VPS13C: variants seen among roughly 807,000 people sequenced by gnomAD.
VPS13C encodes vacuolar protein sorting 13 homolog C.
A neutral mutation model predicts 456.8 loss-of-function variants in VPS13C; 358 were observed. That is an observed-to-expected ratio of 0.78 (90% CI 0.72 to 0.86). VPS13C has a LOEUF of 0.86. Ranked by LOEUF, VPS13C falls within the 40% of genes least tolerant of loss-of-function variation. The pLI is 0.00. For missense variants in VPS13C, 4,818 were observed against 4,385.4 expected (o/e 1.10, Z -2.79); for synonymous variants, 1,578 against 1,486.7 (o/e 1.06, Z -1.41).
Position 61,867,966 on chromosome 15 carries a change from AAAGAAAAT to A in VPS13C, c.10863+685_10863+692del. On this transcript the variant is annotated intron_variant, in intron 81 of 84. Transcript: ENST00000644861. The surrounding 1 kb of genome is among the most constrained non-coding windows in gnomAD (Gnocchi z 5.0). ...GTTCTTGCTGTGCAGGCAGAAAAAC[AAAGAAAAT>A]AAAGTTAGAAGCATGCAGAAAGATA... The A allele has an allele frequency of 6.7e-7, 1 of 1,501,004 alleles. No homozygotes were observed. Among genetic ancestry groups the A allele is most frequent in the East Asian group, 2.3e-5 (1 of 44,104 alleles). The allele number at this position is 1,501,004 out of a possible 1,614,324, so 93.0% of individuals were successfully genotyped here.
chr15:61,922,251 A>G, intron 54 of VPS13C, 146 bp downstream of exon 54: 1 of 1,163,574 alleles, frequency 8.6e-7, no homozygotes, highest in Non-Finnish European at 1.2e-6. Context: ...TCAAAAAACA[A>G]TACATCGACA....
chr15:61,882,896 A>T (rs182021588), intron 68 of VPS13C, among the ~76,000 whole-genome samples, 160 bp from the exon 69 acceptor site: 44 of 152,264 alleles, frequency 2.9e-4, no homozygotes, highest in Middle Eastern at 3.4e-3. Context: ...TCTGAAGCAA[A>T]AGCACCACTT....
chr15:61,868,634 C>T (rs372498084), intron 81 of VPS13C, 25 bp downstream of exon 81: 9 of 1,598,484 alleles, frequency 5.6e-6, no homozygotes, highest in Middle Eastern at 1.7e-4. Context: ...CCATTTCACT[C>T]GTGACCATGA....
Position 61,922,680 on chromosome 15 carries a change from G to T in VPS13C, c.6692C>A (p.Thr2231Lys), listed in dbSNP as rs371685718. 181 of 1,613,716 alleles carry T rather than the reference G, an allele frequency of 1.1e-4. 1 individual carries two copies. Among genetic ancestry groups the T allele is most frequent in the Middle Eastern group, 4.9e-4 (3 of 6,062 alleles). Residue 2231 changes from threonine to lysine, a missense_variant, in exon 54 of 85, where the codon ACG becomes AAG. Physicochemically the swap from Thr to Lys is moderately conservative, Grantham distance 78 (BLOSUM62 -1). This residue lies in a region of VPS13C where 4,552 missense variants were observed against 4,130.6 expected (regional missense o/e 1.10). Transcript: ENST00000644861. ...CCAAAGATTTTCCATTTCCTTAGAC[G>T]TATCTTTGGATCCATCTTCTTTTGT... Reference protein sequence around the residue: ...PKTKEDGSKDTSKEMENLWGI... With the variant: ...PKTKEDGSKDKSKEMENLWGI...
intron 81 of VPS13C, chr15:61,866,498 A>G (rs572779900): frequency 1.0e-6 from 1 of 984,908 alleles, no homozygotes; most frequent in Non-Finnish European, 1.2e-6. Flanking sequence ...CAATATAACC[A>G]GTAAAATTAA....
At chr15:61,999,236 G>A (rs1012032230) in intron 16 of VPS13C, among the ~76,000 whole-genome samples, 6 of 152,004 alleles carry the variant, frequency 3.9e-5, no homozygotes, top group South Asian at 2.1e-4. Context: ...AAAATTAGCC[G>A]GGCATGGTGG....
At chr15:61,896,615 T>C (rs1172932910) in intron 66 of VPS13C, among the ~76,000 whole-genome samples, 1 of 152,118 alleles carries the variant, frequency 6.6e-6, no homozygotes, top group Non-Finnish European at 1.5e-5. Context: ...CCACGGAGTC[T>C]CGCTGATTGC....
intron 4 of VPS13C, among the ~76,000 whole-genome samples, chr15:62,034,450 T>G (rs1302615776): frequency 6.6e-6 from 1 of 151,614 alleles, no homozygotes; most frequent in Non-Finnish European, 1.5e-5. Context: ...AATAAAGATA[T>G]TACTTAAACA....
chr15:61,936,112 C>T (rs2044218840), intron 48 of VPS13C, among the ~76,000 whole-genome samples: 1 of 152,074 alleles, frequency 6.6e-6, no homozygotes, highest in East Asian at 1.9e-4. Context: ...TCAAAAGGTT[C>T]ACTGCTTTTA....
chr15:61,981,437 T>C lies in VPS13C; in HGVS notation c.2071A>G (p.Arg691Gly). 6.2e-7 allele frequency: 1 copy of C among 1,612,020 alleles called. No individual in the cohort carries two copies. Among genetic ancestry groups the C allele is most frequent in the Non-Finnish European group, 8.5e-7 (1 of 1,179,264 alleles). Residue 691 changes from arginine (R) to glycine (G), a missense_variant, in exon 22 of 85, where the codon AGG (arginine) becomes GGG (glycine). This residue lies in a region of VPS13C where 4,552 missense variants were observed against 4,130.6 expected (regional missense o/e 1.10). Coordinates refer to ENST00000644861, the MANE Select transcript of VPS13C (RefSeq NM_020821.3). ...AGATAAGAAGGCTTCAGATTTATCC[T>C]TAAATCAAGGACTTTTCGAGTTTCA... The part of the protein sequence containing the change: ...IIETRKVLDL[R>G]INLKPSYLVV...
At chr15:62,012,921 T>A in intron 11 of VPS13C, 118 bp downstream of exon 11, 2 of 560,950 alleles carry the variant, frequency 3.6e-6, no homozygotes, top group Non-Finnish European at 5.9e-6. Context: ...TATTTCTGAT[T>A]TAGTGAAATA....
chr15:61,928,659 T>G (rs2043950355), intron 51 of VPS13C, among the ~76,000 whole-genome samples: 1 of 152,020 alleles, frequency 6.6e-6, no homozygotes, highest in East Asian at 1.9e-4. Flanking sequence ...GCGGGCGGAT[T>G]GCTTGAGCCT....
intron 35 of VPS13C, 74 bp downstream of exon 35, chr15:61,961,515 G>A: frequency 7.1e-7 from 1 of 1,402,302 alleles, no homozygotes; most frequent in Non-Finnish European, 9.5e-7. Context: ...GTGTTGGGTA[G>A]GAATTTCAAG....
chr15:61,946,155 G>A lies in VPS13C; in HGVS notation c.4980+152C>T, dbSNP rs539187893. 1.4e-4 allele frequency: 96 copies of A among 681,766 alleles called. 1 individual carries two copies. The Middle Eastern group carries it at 2.1e-3, about 15-fold the overall frequency. 42.2% of individuals were successfully genotyped at this position (681,766 alleles called of 1,614,324 possible). On this transcript the variant is annotated intron_variant, in intron 44 of 84. Coordinates refer to ENST00000644861, the MANE Select transcript of VPS13C (RefSeq NM_020821.3). ...TCAAGAGGCCTAGTCTATACACAAT[G>A]TGAAAGCAGACTATTACCGTTTTCA...
At chr15:61,920,722 T>C in intron 55 of VPS13C, 75 bp from the exon 56 acceptor site, 2 of 1,358,150 alleles carry the variant, frequency 1.5e-6, no homozygotes, top group Non-Finnish European at 2.0e-6. Flanking sequence ...GGAGTTCAGT[T>C]CTCCTAAACT....
chr15:61,964,915 G>GT (rs1567053897), intron 30 of VPS13C, 54 bp from the exon 31 acceptor site: 1 of 1,537,708 alleles, frequency 6.5e-7, no homozygotes, highest in Non-Finnish European at 8.8e-7. Context: ...ATAACCTGTA[G>GT]TCTCCACGAC....
chr15:62,051,811 G>C (rs1247749068), intron 1 of VPS13C, among the ~76,000 whole-genome samples: 3 of 152,112 alleles, frequency 2.0e-5, no homozygotes, highest in Non-Finnish European at 2.9e-5. Context: ...GTGCCACAGG[G>C]AAAAACAGAT....
In VPS13C at chr15:61,950,387, T is replaced by C. The variant is rs560912678; in HGVS notation, c.4567A>G (p.Ile1523Val). 2.1e-5 allele frequency: 34 copies of C among 1,612,490 alleles called. No individual in the cohort carries two copies. The East Asian group carries it at 7.2e-4, about 34-fold the overall frequency. The part of the protein sequence containing the change: ...ADSDGPEFKT[I>V]HDSTKQRLKV... ...AGTCTCTGTTTGGTACTGTCATGAA[T>C]AGTTTTAAATTCTGGTCCATCACTG... Residue 1523 changes from isoleucine (I) to valine (V), a missense_variant, in exon 41 of 85, where the codon ATT (isoleucine) becomes GTT (valine). This residue lies in a region of VPS13C where 4,552 missense variants were observed against 4,130.6 expected (regional missense o/e 1.10). Transcript: ENST00000644861.
chr15:61,948,954 A>G (rs1339044133), intron 42 of VPS13C, among the ~76,000 whole-genome samples: 1 of 152,194 alleles, frequency 6.6e-6, no homozygotes, highest in East Asian at 1.9e-4. Flanking sequence ...CCCTGTGCCC[A>G]TATCTGTGTG....
Sources: allele counts gnomAD v4.1 joint callset (sites outside exome capture counted in the v4.1 genomes callset), GRCh38; gene constraint gnomAD v4.1.1; regional missense constraint gnomAD v4.1.1; non-coding constraint Gnocchi (gnomAD v3.1); transcripts MANE v1.5; gene names NCBI Gene and HGNC (gene_info 2026-07-23, HGNC 2026-07-21).